The following CSMD1 variants were observed in gnomAD, a reference collection of about 807,000 sequenced individuals.
CSMD1 encodes the protein CUB and Sushi multiple domains 1, also known as CUB and sushi domain-containing protein 1.
A neutral mutation model predicts 417.5 loss-of-function variants in CSMD1; 213 were observed. The ratio of observed to expected loss-of-function variants is 0.51; its 90% CI spans 0.46 to 0.57. The LOEUF (loss-of-function observed/expected upper bound fraction) is 0.57. CSMD1 is among the 20% of genes least tolerant of loss of function. CSMD1 has a pLI of 0.00. For missense variants in CSMD1, 6,923 were observed against 4,529.7 expected (o/e 1.53, Z -15.17); for synonymous variants, 2,862 against 1,736.8 (o/e 1.65, Z -16.11).
intron 2 of CSMD1, among the ~76,000 whole-genome samples, chr8:4,564,488 C>A (rs1798498312): frequency 3.3e-5 from 5 of 152,122 alleles, no homozygotes; most frequent in Admixed American, 3.3e-4. Flanking sequence ...GACACACATT[C>A]ATTCCATGAC....
At chr8:3,169,926 C>T (rs1051101195) in intron 37 of CSMD1, among the ~76,000 whole-genome samples, 1 of 152,166 alleles carries the variant, frequency 6.6e-6, no homozygotes, top group East Asian at 1.9e-4. Flanking sequence ...ATGACCCCTT[C>T]CTCCTCTCCC....
chr8:3,726,109 G>A (rs1378687262), intron 6 of CSMD1, among the ~76,000 whole-genome samples: 7 of 152,058 alleles, frequency 4.6e-5, no homozygotes, highest in African/African-American at 1.7e-4. Context: ...ATGCCACCTA[G>A]TAAGGGACCT....
chr8:3,962,571 G>T (rs1432419480), intron 5 of CSMD1, among the ~76,000 whole-genome samples: 1 of 152,076 alleles, frequency 6.6e-6, no homozygotes, highest in Non-Finnish European at 1.5e-5. Flanking sequence ...TTTCACACGA[G>T]GAGTAAGCAA....
At chr8:3,542,220 A>G (rs1798469876) in intron 10 of CSMD1, among the ~76,000 whole-genome samples, 1 of 152,192 alleles carries the variant, frequency 6.6e-6, no homozygotes, top group Non-Finnish European at 1.5e-5. Context: ...CCTCTTATTA[A>G]TCAATGACTA....
intron 23 of CSMD1, among the ~76,000 whole-genome samples, chr8:3,316,790 T>C (rs1252801306): frequency 6.6e-6 from 1 of 152,076 alleles, no homozygotes; most frequent in Non-Finnish European, 1.5e-5. Context: ...CAACTCAGCG[T>C]GCAGTGGGGG....
chr8:3,988,473 G>A (rs917444655), intron 5 of CSMD1, among the ~76,000 whole-genome samples: 4 of 152,158 alleles, frequency 2.6e-5, no homozygotes, highest in African/African-American at 9.7e-5. Context: ...CACAGCTCAG[G>A]CTCTGGAGCA....
intron 1 of CSMD1, among the ~76,000 whole-genome samples, chr8:4,761,886 T>TCTATCTAC (rs1442872250): frequency 2.1e-4 from 19 of 92,432 alleles, no homozygotes; most frequent in African/African-American, 5.9e-4. Context: ...TATCTATCTA[T>TCTATCTAC]CTACCTACCT....
At chr8:3,512,245 G>A (rs1355399431) in intron 10 of CSMD1, among the ~76,000 whole-genome samples, 3 of 152,230 alleles carry the variant, frequency 2.0e-5, no homozygotes, top group Non-Finnish European at 4.4e-5. Context: ...GCAGAACCAT[G>A]CTGCATTCTC....
At chr8:3,024,223 A>G (rs565489463) in intron 51 of CSMD1, among the ~76,000 whole-genome samples, 2 of 151,888 alleles carry the variant, frequency 1.3e-5, no homozygotes, top group East Asian at 3.9e-4. Flanking sequence ...GTGTTACAGA[A>G]AAAATGAATT....
chr8:4,906,297 G>C (rs1214203263), intron 1 of CSMD1, among the ~76,000 whole-genome samples: 2 of 152,130 alleles, frequency 1.3e-5, no homozygotes, highest in Admixed American at 6.6e-5. Flanking sequence ...ACATTATTCA[G>C]TTAACACTCT....
chr8:3,309,090 T>A lies in CSMD1; in HGVS notation c.3632-587A>T, dbSNP rs148740895. On this transcript the variant is annotated intron_variant, in intron 23 of 69. Transcript: ENST00000635120. ...CAGTCCAAGCCTCCAGTCTGCACCC[T>A]GGATTCTCTGGTGAGCCCCAATGCC... Among the ~76,000 whole-genome samples the A allele has an allele frequency of 2.0e-5, 3 of 152,092 alleles. No homozygotes were observed. The East Asian group carries it at 5.8e-4, about 29-fold the overall frequency.
intron 3 of CSMD1, among the ~76,000 whole-genome samples, chr8:4,068,606 T>G (rs1023465423): frequency 6.6e-6 from 1 of 152,158 alleles, no homozygotes; most frequent in African/African-American, 2.4e-5. Context: ...GCAGAAAACA[T>G]ATCTAGTTCA....
At chr8:3,563,715 C>T (rs184904692) in intron 10 of CSMD1, among the ~76,000 whole-genome samples, 2 of 152,112 alleles carry the variant, frequency 1.3e-5, no homozygotes, top group Admixed American at 6.5e-5. Flanking sequence ...GTAGTGAAAC[C>T]CTGTTTTTAG....
intron 49 of CSMD1, among the ~76,000 whole-genome samples, chr8:3,079,696 C>G (rs563871588): frequency 6.6e-6 from 1 of 151,914 alleles, no homozygotes; most frequent in Non-Finnish European, 1.5e-5. Flanking sequence ...TGAAAGATGC[C>G]CTCTCTGTGG....
At chr8:3,597,006 C>A (rs1299756754) in intron 8 of CSMD1, among the ~76,000 whole-genome samples, 2 of 152,146 alleles carry the variant, frequency 1.3e-5, no homozygotes, top group African/African-American at 4.8e-5. Context: ...GCCATGAATC[C>A]AGAACCCAGG....
At position 3,175,475 on chromosome 8, in the gene CSMD1, C is replaced by CCTT. The variant is rs1554451319; in HGVS notation, c.5725+5634_5725+5635insAAG. Among the ~76,000 whole-genome samples, 679 of 132,422 alleles carry CCTT rather than the reference C, an allele frequency of 5.1e-3. 12 individuals carry two copies. The highest frequency in any genetic ancestry group is 4.6e-3 in the Non-Finnish European group (290 of 63,314). The allele number at this position is 132,422 out of a possible 152,430, so 86.9% of individuals were successfully genotyped here. ...CCTTCCTTCTTTCCTTCCTTCTTTTCCCTTCCTTCCTGCCTGCCTGCCTGC... is the reference window on the plus strand; with the variant it reads ...CCTTCCTTCTTTCCTTCCTTCTTTTCCTTCCTTCCTTCCTGCCTGCCTGCCTGC... On this transcript the variant is annotated intron_variant, in intron 37 of 69. Coordinates refer to ENST00000635120, the MANE Select transcript of CSMD1 (RefSeq NM_033225.6).
rs1263387115 is a variant in CSMD1 at position 2,955,608 on chromosome 8, T to C, written c.9975A>G (p.Gly3325=). The change falls in exon 64 of 70, where the codon GGA becomes GGG. Residue 3325 remains glycine, a synonymous_variant. Coordinates refer to ENST00000635120, the MANE Select transcript of CSMD1 (RefSeq NM_033225.6). ...ACTTACTTTTACACACAGGCGACTT[T>C]CCTGTCCATTTCATGTCTGCTTTAC... The part of the protein sequence containing the change: ...RTCKADMKWT[G]KSPVCKSKGV... 2.5e-6 allele frequency: 4 copies of C among 1,613,760 alleles called. No homozygotes were observed. Among genetic ancestry groups the C allele is most frequent in the Non-Finnish European group, 3.4e-6 (4 of 1,179,752 alleles).
At chr8:4,982,127 G>A (rs1192470657) in intron 1 of CSMD1, among the ~76,000 whole-genome samples, 1 of 152,216 alleles carries the variant, frequency 6.6e-6, no homozygotes. Flanking sequence ...GCCAACACTT[G>A]ATGGCTGCTT....
At chr8:4,153,750 T>C (rs1796688016) in intron 3 of CSMD1, among the ~76,000 whole-genome samples, 2 of 152,230 alleles carry the variant, frequency 1.3e-5, no homozygotes, top group South Asian at 2.1e-4. Flanking sequence ...TTCAGTGTGG[T>C]GACCCTGTGC....
Sources: gnomAD v4.1 joint callset for allele counts (sites outside exome capture counted in the v4.1 genomes callset) on GRCh38, gnomAD v4.1.1 for gene constraint, MANE v1.5 for transcripts, NCBI Gene and HGNC (gene_info 2026-07-23, HGNC 2026-07-21) for gene names.